Variants in MTMR7 observed in about 807,000 individuals in gnomAD.
MTMR7 encodes myotubularin related protein 7, also known as phosphatidylinositol-3-phosphate phosphatase MTMR7.
MTMR7 carries 76 observed loss-of-function variants against 81.2 expected under a neutral mutation model. The observed-to-expected ratio is 0.94, with a 90% CI of 0.78 to 1.13. The LOEUF (loss-of-function observed/expected upper bound fraction) is 1.13. Among genes scored for constraint, MTMR7 ranks in the 50% most tolerant of loss-of-function variants. MTMR7 has a pLI of 0.00. For synonymous variants in MTMR7, 372 were observed against 289.8 expected (o/e 1.28, Z -2.88); for missense variants, 1,044 against 820.0 (o/e 1.27, Z -3.34).
chr8:17,336,257 C>A (rs767023723), intron 6 of MTMR7, among the ~76,000 whole-genome samples: 1 of 152,154 alleles, frequency 6.6e-6, no homozygotes, highest in Non-Finnish European at 1.5e-5. Flanking sequence ...GCTGAAGACA[C>A]CCGGCGGCTG....
Position 17,328,852 on chromosome 8 carries a change from A to C in MTMR7, c.865+2298T>G, listed in dbSNP as rs190170957. 4.6e-5 allele frequency among the ~76,000 whole-genome samples: 7 copies of C among 152,356 alleles called. No homozygotes were observed. The East Asian group carries it at 1.2e-3, about 25-fold the overall frequency. On this transcript the variant is annotated intron_variant, in intron 7 of 13. Transcript: ENST00000180173. ...ATTGCTTGCTATGTGACTGAAAGGC[A>C]TCATTTTCTCTCCTTACGAAATACA... is the stretch of plus-strand genomic sequence containing the variant.
intron 11 of MTMR7, among the ~76,000 whole-genome samples, 163 bp downstream of exon 11, chr8:17,305,594 C>T (rs928383941): frequency 6.6e-6 from 1 of 152,168 alleles, no homozygotes; most frequent in Middle Eastern, 3.4e-3. Context: ...ACATTTAAAC[C>T]ATTTATGAAA....
At chr8:17,363,220 C>G (rs575852887) in intron 3 of MTMR7, among the ~76,000 whole-genome samples, 2 of 152,194 alleles carry the variant, frequency 1.3e-5, no homozygotes, top group East Asian at 3.9e-4. Context: ...CACATCTTTT[C>G]CATCTCTAAG....
chr8:17,401,972 T>G (rs1247917135), intron 1 of MTMR7, among the ~76,000 whole-genome samples: 1 of 152,208 alleles, frequency 6.6e-6, no homozygotes, highest in Admixed American at 6.5e-5. Context: ...ACATATTTTA[T>G]AGGGTTATTT....
chr8:17,364,312 C>T lies in MTMR7; in HGVS notation c.311-3038G>A, dbSNP rs191191763. On this transcript the variant is annotated intron_variant, in intron 3 of 13. Coordinates refer to ENST00000180173, the MANE Select transcript of MTMR7 (RefSeq NM_004686.5). ...CTTCCCAAAGTGCTGGGATCACAGG[C>T]GTGAGCCACCGCGCCCGGTCAAAAA... Among the ~76,000 whole-genome samples, 739 of 152,130 alleles carry T rather than the reference C, an allele frequency of 4.9e-3. 9 individuals are homozygous for T. Among genetic ancestry groups the T allele is most frequent in the Admixed American group, 7.7e-3 (117 of 15,274 alleles).
intron 1 of MTMR7, among the ~76,000 whole-genome samples, chr8:17,393,246 T>C (rs1355162491): frequency 2.0e-5 from 3 of 152,186 alleles, no homozygotes; most frequent in African/African-American, 7.2e-5. Context: ...CATTTGGACC[T>C]CTATCTCACA....
At chr8:17,350,036 A>G (rs551611442) in intron 4 of MTMR7, among the ~76,000 whole-genome samples, 1 of 152,360 alleles carries the variant, frequency 6.6e-6, no homozygotes, top group African/African-American at 2.4e-5. Context: ...CACTAAATCC[A>G]AAACAAATGT....
chr8:17,302,401 C>T, intron 12 of MTMR7, 121 bp from the exon 13 acceptor site: 1 of 1,184,390 alleles, frequency 8.4e-7, no homozygotes, highest in Non-Finnish European at 1.1e-6. Context: ...CAAATTTCAG[C>T]CTCAAAAAAG....
At chr8:17,329,112 AAAT>A (rs1563337095) in intron 7 of MTMR7, among the ~76,000 whole-genome samples, 1 of 152,196 alleles carries the variant, frequency 6.6e-6, no homozygotes. Flanking sequence ...ATAATTCAGA[AAAT>A]AATAATCATG....
chr8:17,409,692 C>A lies in MTMR7; in HGVS notation c.24+3577G>T, dbSNP rs1256290637. On this transcript the variant is annotated intron_variant, in intron 1 of 13. Coordinates refer to ENST00000180173, the MANE Select transcript of MTMR7 (RefSeq NM_004686.5). ...TAAATTTAACAATTGTAATGAGGAA[C>A]CTAAGGGGAAAACACAAGGTGTTAT... is the stretch of plus-strand genomic sequence containing the variant. Among the ~76,000 whole-genome samples the A allele has an allele frequency of 1.1e-4, 17 of 152,018 alleles. 1 individual carries two copies. Among genetic ancestry groups the A allele is most frequent in the Admixed American group, 1.1e-3 (17 of 15,264 alleles).
chr8:17,382,981 G>A (rs7004444), intron 1 of MTMR7, among the ~76,000 whole-genome samples: 4,836 of 152,152 alleles, frequency 0.032, 269 homozygotes, highest in African/African-American at 0.11. Context: ...GCACCAAACT[G>A]TCAGGACAGA....
intron 1 of MTMR7, among the ~76,000 whole-genome samples, chr8:17,404,029 G>A (rs1821504152): frequency 6.6e-6 from 1 of 152,086 alleles, no homozygotes; most frequent in African/African-American, 2.4e-5. Flanking sequence ...AGGATAATTT[G>A]ACTGTTTCCT....
intron 1 of MTMR7, among the ~76,000 whole-genome samples, chr8:17,408,106 AGAGGCCGGGCGCGG>A (rs1821640046): frequency 4.6e-5 from 6 of 131,372 alleles, no homozygotes; most frequent in Non-Finnish European, 5.3e-5. Context: ...AACATCATGG[AGAGGCCGGGCGCGG>A]TGGCTCACGC....
At chr8:17,346,396 T>C (rs1034521990) in intron 5 of MTMR7, among the ~76,000 whole-genome samples, 6 of 152,104 alleles carry the variant, frequency 3.9e-5, no homozygotes, top group Non-Finnish European at 5.9e-5. Flanking sequence ...AGCTTCAGGT[T>C]GTTTCTGCTT....
rs191493584 is a variant in MTMR7, at chr8:17,403,003, T to C, written c.24+10266A>G. ...TTCACTTCTCTGATGGTTCCTGATG[T>C]TGAGCACCTTTTCATATACCTGCCT... On this transcript the variant is annotated intron_variant, in intron 1 of 13. Coordinates refer to ENST00000180173, the MANE Select transcript of MTMR7 (RefSeq NM_004686.5). Among the ~76,000 whole-genome samples, 25 of 152,350 alleles carry C rather than the reference T, an allele frequency of 1.6e-4. No individual in the cohort carries two copies. In the East Asian group the frequency reaches 4.2e-3, roughly 26 times the overall value.
chr8:17,339,658 G>A (rs1819349635), intron 6 of MTMR7, among the ~76,000 whole-genome samples: 1 of 152,072 alleles, frequency 6.6e-6, no homozygotes, highest in Non-Finnish European at 1.5e-5. Context: ...CTCCATTTAT[G>A]AACATTTGGT....
rs1020520790 is a variant in MTMR7 at position 17,298,530 on chromosome 8, T to C, written c.*1332A>G. On this transcript the variant is annotated 3_prime_UTR_variant, in exon 14 of 14. Coordinates refer to ENST00000180173, the MANE Select transcript of MTMR7 (RefSeq NM_004686.5). ...CCCTCGTCCTCATTTCAGCGAAATG[T>C]AATAATTCTCCCATTAAAAAAAATC... The C allele has an allele frequency of 6.6e-6, 1 of 152,536 alleles. No homozygotes were observed. Among genetic ancestry groups the C allele is most frequent in the Non-Finnish European group, 1.5e-5 (1 of 67,972 alleles). 9.4% of individuals were successfully genotyped at this position (152,536 alleles called of 1,614,324 possible). A position where few individuals can be genotyped will look rare whatever the true frequency, so the allele number is the denominator to read the frequency against.
chr8:17,361,366 A>T (rs920332880), intron 3 of MTMR7, 92 bp from the exon 4 acceptor site: 1 of 1,444,230 alleles, frequency 6.9e-7, no homozygotes, highest in African/African-American at 1.4e-5. Flanking sequence ...TGGAGTGCCC[A>T]GAGAGGCCAT....
chr8:17,382,506 C>T (rs1433269587), intron 1 of MTMR7, among the ~76,000 whole-genome samples: 2 of 147,324 alleles, frequency 1.4e-5, no homozygotes, highest in African/African-American at 2.6e-5. Flanking sequence ...AAGCGTCTTG[C>T]TGTACTCAAA....
Sources: allele counts gnomAD v4.1 joint callset (sites outside exome capture counted in the v4.1 genomes callset), GRCh38; gene constraint gnomAD v4.1.1; transcripts MANE v1.5; gene names NCBI Gene and HGNC (gene_info 2026-07-23, HGNC 2026-07-21).